LMNTD2: variants seen among roughly 807,000 people sequenced by gnomAD.
LMNTD2 encodes lamin tail domain-containing protein 2.
LMNTD2 carries 83 observed loss-of-function variants against 70.1 expected under a neutral mutation model. That is an observed-to-expected ratio of 1.18 (90% CI 0.99 to 1.42). LMNTD2 has a LOEUF of 1.42. Among genes scored for constraint, LMNTD2 ranks in the 40% most tolerant of loss-of-function variants. The probability of loss-of-function intolerance (pLI) is 0.00; values close to 1 mark genes in which losing one functional copy is unlikely to be tolerated. For missense variants in LMNTD2, 1,153 were observed against 905.9 expected, an observed-to-expected ratio of 1.27 and a Z score of -3.50; for synonymous variants, 534 against 406.1, an observed-to-expected ratio of 1.31 and a Z score of -3.79.
In LMNTD2 at chr11:557,867, T is replaced by C. The variant is rs1465876428; in HGVS notation, c.555+17A>G. On this transcript the variant is annotated intron_variant, in intron 5 of 13. Transcript: ENST00000329451. ...GGAGGGCAGCCTGGGGCAGGAGGGC[T>C]TGGGGGACAGGCTCACCTCCACACT... 7 of 1,552,164 alleles carry C rather than the reference T, an allele frequency of 4.5e-6. No individual in the cohort carries two copies. The highest frequency in any genetic ancestry group is 5.2e-6 in the Non-Finnish European group (6 of 1,149,536).
chr11:559,692 G>A (rs1001576130), intron 1 of LMNTD2: 127 of 1,167,414 alleles, frequency 1.1e-4, no homozygotes, highest in Non-Finnish European at 9.7e-5. Flanking sequence ...AGGTAACAGT[G>A]ACAAGCTGGG....
chr11:558,294 G>C (rs1330243961), intron 3 of LMNTD2, 46 bp from the exon 4 acceptor site: 1 of 1,588,400 alleles, frequency 6.3e-7, no homozygotes, highest in South Asian at 1.1e-5. Context: ...CTCAGGCAGG[G>C]GTTCCTAATG....
In LMNTD2 at chr11:556,034, G is replaced by C; in HGVS notation, c.1339C>G (p.Arg447Gly). 6.4e-7 allele frequency: 1 copy of C among 1,556,556 alleles called. No homozygotes were observed. The highest frequency in any genetic ancestry group is 8.6e-7 in the Non-Finnish European group (1 of 1,161,892). ...CTCAGGAGCAGCGTCGCGCAGCCGC[G>C]GATGGAGAGGAGGGGAACGGGCTCC... is the stretch of plus-strand genomic sequence containing the variant. ...SREPVPLLSI[R>G]GCATLLLSPK... The change falls in exon 11 of 14, where the codon CGC becomes GGC. Residue 447 changes from arginine to glycine, a missense_variant. Arg to Gly is a moderately radical substitution (Grantham distance 125). Coordinates refer to ENST00000329451, the MANE Select transcript of LMNTD2 (RefSeq NM_173573.3).
intron 1 of LMNTD2, chr11:559,371 C>G (rs1275400884): frequency 2.0e-5 from 27 of 1,332,636 alleles, no homozygotes; most frequent in Non-Finnish European, 2.7e-5. Flanking sequence ...CCAAGCAGGC[C>G]TGGGAGGGAA....
chr11:559,433 T>G (rs1301723901), intron 1 of LMNTD2: 8 of 1,306,358 alleles, frequency 6.1e-6, no homozygotes, highest in African/African-American at 1.5e-5. Flanking sequence ...GTGGGGCTGT[T>G]TGTTACCAGG....
At chr11:557,364 C>G (rs576897294) in intron 7 of LMNTD2, 35 bp downstream of exon 7, 5 of 1,562,088 alleles carry the variant, frequency 3.2e-6, no homozygotes, top group Non-Finnish European at 4.3e-6. Flanking sequence ...GCCCTCCCTT[C>G]TGGCCCCTGG....
At position 555,849 on chromosome 11, in the gene LMNTD2, G is replaced by T. The variant is rs781570848; in HGVS notation, c.1459C>A (p.Arg487Ser). ...GGCCCGGCCTCAGGGAGCGGGAAGC[G>T]GTCGATGGACAAGTCGGTGCCGTCG... Reference protein sequence around the residue: ...FADGTDLSIDRFPLPEAGPGA... With the variant: ...FADGTDLSIDSFPLPEAGPGA... The change falls in exon 12 of 14, where the codon CGC becomes AGC. Residue 487 changes from arginine (R) to serine (S), a missense_variant. Physicochemically the swap from Arg to Ser is moderately radical, Grantham distance 110. Transcript: ENST00000329451. 2.2e-5 allele frequency: 34 copies of T among 1,555,348 alleles called. No individual in the cohort carries two copies. The South Asian group carries it at 3.7e-4, about 17-fold the overall frequency.
In LMNTD2 at chr11:556,820, C is replaced by T; in HGVS notation, c.976+15G>A. 6.5e-7 allele frequency: 1 copy of T among 1,545,620 alleles called. No homozygotes were observed. The highest frequency in any genetic ancestry group is 8.8e-7 in the Non-Finnish European group (1 of 1,142,342). On this transcript the variant is annotated intron_variant, in intron 8 of 13. Coordinates refer to ENST00000329451, the MANE Select transcript of LMNTD2 (RefSeq NM_173573.3). ...GTGGGTGAAGGGTAACCAGGGGAGA[C>T]CCGCCCCACTGCACCTTCTGAGTCC...
At position 560,679 on chromosome 11, in the gene LMNTD2, C is replaced by G; in HGVS notation, c.34+4G>C. ...TCGGCCCAGGAGCGGGGCCAGACAC[C>G]TACCCCGACGCCTGCCCGCGGGCCG... is the stretch of plus-strand genomic sequence containing the variant. On this transcript the variant is annotated splice_donor_region_variant and intron_variant, in intron 1 of 13. Transcript: ENST00000329451. 1 of 1,436,800 alleles carries G rather than the reference C, an allele frequency of 7.0e-7. No individual in the cohort carries two copies. The highest frequency in any genetic ancestry group is 9.2e-7 in the Non-Finnish European group (1 of 1,086,150). The allele number at this position is 1,436,800 out of a possible 1,614,324, so 89.0% of individuals were successfully genotyped here.
Position 556,925 on chromosome 11 carries a change from C to T in LMNTD2, c.886G>A (p.Val296Met). ...CGGGGCGGGTGCCCTATCACCTGCA[C>T]GAAGGAAGGCAGGCCCGGCCGGCAG... is the stretch of plus-strand genomic sequence containing the variant. Reference protein sequence around the residue: ...SSCRPGLPSFVQVIGHPPRDH... With the variant: ...SSCRPGLPSFMQVIGHPPRDH... The change falls in exon 8 of 14, where the codon GTG becomes ATG. Residue 296 changes from valine to methionine, a missense_variant. Transcript: ENST00000329451. The T allele has an allele frequency of 3.8e-6, 6 of 1,598,678 alleles. No individual in the cohort carries two copies. The highest frequency in any genetic ancestry group is 4.2e-6 in the Non-Finnish European group (5 of 1,176,472).
chr11:556,283 C>A lies in LMNTD2; in HGVS notation c.1166G>T (p.Gly389Val). Residue 389 changes from glycine (G) to valine (V), a missense_variant, in exon 10 of 14, where the codon GGC (glycine) becomes GTC (valine). Physicochemically the swap from Gly to Val is moderately radical, Grantham distance 109. Transcript: ENST00000329451. ...PSQESTADLS[G>V]MVLKQLVRGF... ...GCGCACCAGCTGCTTCAGCACCATG[C>A]CGCTCAGGTCGGCCGTGCTCTCCTG... is the stretch of plus-strand genomic sequence containing the variant. 6.5e-7 allele frequency: 1 copy of A among 1,535,366 alleles called. No individual in the cohort carries two copies. The highest frequency in any genetic ancestry group is 2.4e-5 in the East Asian group (1 of 40,886).
rs1017555566 is a variant in LMNTD2, at chr11:557,464, A to G, written c.648T>C (p.Asp216=). 1.1e-5 allele frequency: 18 copies of G among 1,610,858 alleles called. No homozygotes were observed. The highest frequency in any genetic ancestry group is 1.7e-6 in the Non-Finnish European group (2 of 1,178,782). ...GATACCGGCGGGCAACGCTGTTCCA[A>G]TCCACGTCCTCCAGCCGAAAGCCCT... is the stretch of plus-strand genomic sequence containing the variant. ...TGEGFRLEDV[D]WNSVARRYPN... is the part of the protein sequence containing the mutation. The change falls in exon 7 of 14, where the codon GAT becomes GAC. Residue 216 remains aspartate (D), a synonymous_variant. Coordinates refer to ENST00000329451, the MANE Select transcript of LMNTD2 (RefSeq NM_173573.3).
At chr11:556,420 C>T (rs985551727) in intron 9 of LMNTD2, 45 bp from the exon 10 acceptor site, 3 of 1,543,492 alleles carry the variant, frequency 1.9e-6, no homozygotes, top group Non-Finnish European at 2.6e-6. Context: ...CCGGTCCACC[C>T]GCACAGCTGC....
At chr11:555,686 T>G in intron 12 of LMNTD2, 48 bp downstream of exon 12, 1 of 1,360,620 alleles carries the variant, frequency 7.3e-7, no homozygotes, top group Non-Finnish European at 9.4e-7. Context: ...TTCTGCTGGG[T>G]CGGGGCCTGG....
intron 9 of LMNTD2, 42 bp downstream of exon 9, chr11:556,450 G>A (rs770903100): frequency 1.3e-6 from 2 of 1,548,194 alleles, no homozygotes; most frequent in Non-Finnish European, 1.7e-6. Flanking sequence ...CCGGAAACCA[G>A]CTCCAGTCCG....
chr11:559,447 C>T (rs1853140956), intron 1 of LMNTD2: 1 of 1,305,018 alleles, frequency 7.7e-7, no homozygotes, highest in South Asian at 1.2e-5. Flanking sequence ...TACCAGGAGC[C>T]TCCAGGGAGA....
intron 12 of LMNTD2, 56 bp downstream of exon 12, chr11:555,678 C>A: frequency 7.4e-7 from 1 of 1,355,102 alleles, no homozygotes; most frequent in Non-Finnish European, 9.5e-7. Context: ...GGGACCGTTT[C>A]TGCTGGGTCG....
Position 557,452 on chromosome 11 carries a change from A to G in LMNTD2, c.660T>C (p.Val220=). 1 of 1,609,672 alleles carries G rather than the reference A, an allele frequency of 6.2e-7. No individual in the cohort carries two copies. The highest frequency in any genetic ancestry group is 8.5e-7 in the Non-Finnish European group (1 of 1,178,072). The part of the protein sequence containing the change: ...FRLEDVDWNS[V]ARRYPNLFTN... ...TGAAGAGGTTGGGATACCGGCGGGCAACGCTGTTCCAATCCACGTCCTCCA... is the reference window on the plus strand; with the variant it reads ...TGAAGAGGTTGGGATACCGGCGGGCGACGCTGTTCCAATCCACGTCCTCCA... Residue 220 remains valine, a synonymous_variant, in exon 7 of 14, where the codon GTT becomes GTC. Coordinates refer to ENST00000329451, the MANE Select transcript of LMNTD2 (RefSeq NM_173573.3).
rs765811023 is a variant in LMNTD2, at chr11:555,446, C to G, written c.1632G>C (p.Gly544=). The G allele has an allele frequency of 1.0e-5, 14 of 1,382,164 alleles. No individual in the cohort carries two copies. The highest frequency in any genetic ancestry group is 2.6e-4 in the Middle Eastern group (1 of 3,872). The allele number at this position is 1,382,164 out of a possible 1,614,324, so 85.6% of individuals were successfully genotyped here. A position where few individuals can be genotyped will look rare whatever the true frequency, so the allele number is the denominator to read the frequency against. The part of the protein sequence containing the change: ...SSGKLFHARE[G]PARPENPEIP... ...TCTCGGGGTTCTCGGGCCGCGCAGG[C>G]CCCTCCCGCGCGTGGAAGAGCTTCC... is the stretch of plus-strand genomic sequence containing the variant. The change falls in exon 13 of 14, where the codon GGG becomes GGC. Residue 544 remains glycine (G), a synonymous_variant. Transcript: ENST00000329451.
Sources: gnomAD v4.1 joint callset for allele counts on GRCh38, gnomAD v4.1.1 for gene constraint, MANE v1.5 for transcripts, NCBI Gene and HGNC (gene_info 2026-07-23, HGNC 2026-07-21) for gene names.